Variants in ABLIM1 observed in about 807,000 individuals in gnomAD.
The protein encoded by ABLIM1 is actin-binding LIM protein 1.
ABLIM1 carries 40 observed loss-of-function variants against 107.0 expected under a neutral mutation model. The observed-to-expected ratio is 0.37, with a 90% CI of 0.29 to 0.49. The LOEUF is 0.49. Among genes scored for constraint, ABLIM1 ranks in the 20% least tolerant of loss-of-function variants. The probability of loss-of-function intolerance (pLI) is 0.97; values close to 1 mark genes in which losing one functional copy is unlikely to be tolerated. For synonymous variants in ABLIM1, 357 were observed against 357.3 expected, an observed-to-expected ratio of 1.00 and a Z score of 0.01; for missense variants, 857 against 1,008.5, an observed-to-expected ratio of 0.85 and a Z score of 2.04.
rs141326643 is a variant in ABLIM1, at chr10:114,626,943, C to A, written c.245-24982G>T. ...AACACCAAAGATTACCAGCAAACCT[C>A]CAGAAGCCAGGGAGAAGCATAGGAC... On this transcript the variant is annotated intron_variant, in intron 1 of 22. Coordinates refer to ENST00000533213, the MANE Select transcript of ABLIM1 (RefSeq NM_002313.7). Among the ~76,000 whole-genome samples, 87 of 152,238 alleles carry A rather than the reference C, an allele frequency of 5.7e-4. 1 individual carries two copies. The highest frequency in any genetic ancestry group is 2.2e-3 in the Admixed American group (34 of 15,296).
At chr10:114,496,178 G>A (rs918997833) in intron 6 of ABLIM1, among the ~76,000 whole-genome samples, 14 of 152,144 alleles carry the variant, frequency 9.2e-5, no homozygotes, top group Non-Finnish European at 1.6e-4. Flanking sequence ...CAAGATGAAG[G>A]GAAATTACAT....
chr10:114,720,351 T>C (rs945841687), intron 1 of ABLIM1, among the ~76,000 whole-genome samples: 4 of 152,226 alleles, frequency 2.6e-5, no homozygotes, highest in Non-Finnish European at 5.9e-5. Flanking sequence ...CATGTATCTT[T>C]ATAACAGAAT....
chr10:114,617,278 T>G (rs2077183368), intron 1 of ABLIM1, among the ~76,000 whole-genome samples: 1 of 149,620 alleles, frequency 6.7e-6, no homozygotes, highest in Non-Finnish European at 1.5e-5. Flanking sequence ...TTTTTTTTTT[T>G]GAGATGGAGT....
At chr10:114,665,767 A>G (rs1337050379) in intron 1 of ABLIM1, among the ~76,000 whole-genome samples, 2 of 152,228 alleles carry the variant, frequency 1.3e-5, no homozygotes, top group Non-Finnish European at 2.9e-5. Context: ...TCATAGCAGA[A>G]GTCCTGTGAG....
At chr10:114,757,113 C>T (rs1387610632) in intron 1 of ABLIM1, among the ~76,000 whole-genome samples, 1 of 152,054 alleles carries the variant, frequency 6.6e-6, no homozygotes, top group Non-Finnish European at 1.5e-5. Context: ...ATTTTTTCTT[C>T]CTTAAACATA....
At chr10:114,526,883 C>T (rs1159118771) in intron 6 of ABLIM1, 2 of 985,390 alleles carry the variant, frequency 2.0e-6, no homozygotes, top group Admixed American at 6.1e-5. Context: ...GAAACCAGCC[C>T]CGTGTGCGGC....
chr10:114,650,604 A>T (rs1020998476), intron 1 of ABLIM1, among the ~76,000 whole-genome samples: 1 of 152,190 alleles, frequency 6.6e-6, no homozygotes, highest in African/African-American at 2.4e-5. Context: ...ACAAAAAAAA[A>T]GCTGGACCAA....
At chr10:114,482,651 A>G (rs1300465595) in intron 8 of ABLIM1, among the ~76,000 whole-genome samples, 1 of 152,186 alleles carries the variant, frequency 6.6e-6, no homozygotes, top group African/African-American at 2.4e-5. Context: ...AGCTGTTTAC[A>G]ACTTTCTGTG....
upstream of ABLIM1, among the ~76,000 whole-genome samples, chr10:114,769,443 GAAAGAA>G (rs2082989199): frequency 2.7e-5 from 1 of 37,316 alleles, no homozygotes; most frequent in Non-Finnish European, 7.7e-5. Context: ...AAGAAAGAAA[GAAAGAA>G]AGAAAGAAAG....
At chr10:114,664,021 T>C (rs538183874) in intron 1 of ABLIM1, among the ~76,000 whole-genome samples, 2 of 152,334 alleles carry the variant, frequency 1.3e-5, no homozygotes, top group African/African-American at 4.8e-5. Flanking sequence ...AAACCTCATG[T>C]TCACTGTCAA....
At position 114,453,825 on chromosome 10, in the gene ABLIM1, A is replaced by G. The variant is rs554561253; in HGVS notation, c.1442-342T>C. Among the ~76,000 whole-genome samples the G allele has an allele frequency of 2.0e-5, 3 of 152,222 alleles. No homozygotes were observed. The East Asian group carries it at 5.8e-4, about 30-fold the overall frequency. ...GAAAGCTGCTTGCTCATGATTCAGG[A>G]TCAGTTGTCAGGTGGTTAAATCCCA... On this transcript the variant is annotated intron_variant, in intron 12 of 22. Transcript: ENST00000533213.
chr10:114,678,559 G>GCTTTTGTGCTACAT (rs1475652703), intron 1 of ABLIM1, among the ~76,000 whole-genome samples: 2 of 152,162 alleles, frequency 1.3e-5, no homozygotes, highest in East Asian at 3.9e-4. Context: ...ATTTATTTAT[G>GCTTTTGTGCTACAT]TATTGTCTAC....
chr10:114,507,303 G>A (rs193073533), intron 6 of ABLIM1, among the ~76,000 whole-genome samples: 8 of 152,246 alleles, frequency 5.3e-5, no homozygotes, highest in Admixed American at 3.9e-4. Flanking sequence ...TCATTGAGTA[G>A]TGGTTCCAAT....
At chr10:114,766,489 A>C (rs1226989155) in intron 1 of ABLIM1, among the ~76,000 whole-genome samples, 1 of 152,170 alleles carries the variant, frequency 6.6e-6, no homozygotes, top group Non-Finnish European at 1.5e-5. Context: ...TCTTCATTTC[A>C]CATCCTCAGA....
At chr10:114,673,364 A>G (rs557072395) in intron 1 of ABLIM1, among the ~76,000 whole-genome samples, 35 of 152,286 alleles carry the variant, frequency 2.3e-4, no homozygotes, top group South Asian at 6.2e-4. Context: ...TCTTTACCCC[A>G]TTAATTTGTA....
intron 2 of ABLIM1, among the ~76,000 whole-genome samples, chr10:114,581,461 A>G (rs543390835): frequency 1.4e-4 from 21 of 152,304 alleles, no homozygotes; most frequent in African/African-American, 4.1e-4. Flanking sequence ...ACTCTACCCA[A>G]TGGTGGGTTT....
intron 1 of ABLIM1, among the ~76,000 whole-genome samples, chr10:114,651,131 G>C (rs2079219650): frequency 6.6e-6 from 1 of 152,158 alleles, no homozygotes; most frequent in Admixed American, 6.5e-5. Flanking sequence ...CTTGAAGGCA[G>C]GGGGACAATT....
intron 6 of ABLIM1, among the ~76,000 whole-genome samples, chr10:114,514,299 A>T (rs1007153481): frequency 2.1e-5 from 1 of 48,220 alleles, no homozygotes; most frequent in Admixed American, 2.1e-4. Flanking sequence ...ACTCTGTCTC[A>T]AAAAAAAAAA....
chr10:114,731,808 C>A (rs916178957), intron 1 of ABLIM1, among the ~76,000 whole-genome samples: 6 of 152,130 alleles, frequency 3.9e-5, no homozygotes, highest in Non-Finnish European at 1.5e-5. Context: ...CAGGGTTTCA[C>A]CATGTTGGCC....
Sources: allele counts gnomAD v4.1 joint callset (sites outside exome capture counted in the v4.1 genomes callset), GRCh38; gene constraint gnomAD v4.1.1; transcripts MANE v1.5; gene names NCBI Gene and HGNC (gene_info 2026-07-23, HGNC 2026-07-21).